DNAJC1: variants seen among roughly 807,000 people sequenced by gnomAD.
The protein encoded by DNAJC1 is dnaJ homolog subfamily C member 1.
Under a neutral mutation model 76.6 loss-of-function variants are expected in DNAJC1, and 58 were observed. That is an observed-to-expected ratio of 0.76 (90% CI 0.61 to 0.94). The LOEUF (loss-of-function observed/expected upper bound fraction) is 0.94, where lower values mean the gene tolerates loss of function less well. Among genes scored for constraint, DNAJC1 ranks in the 40% least tolerant of loss-of-function variants. The pLI is 0.00. For synonymous variants in DNAJC1, 258 were observed against 267.9 expected, an observed-to-expected ratio of 0.96 and a Z score of 0.36; for missense variants, 689 against 677.3, an observed-to-expected ratio of 1.02 and a Z score of -0.19.
intron 1 of DNAJC1, among the ~76,000 whole-genome samples, chr10:21,941,716 A>G (rs1451896487): frequency 1.3e-5 from 2 of 152,192 alleles, no homozygotes; most frequent in East Asian, 1.9e-4. Flanking sequence ...GATTTGTAAT[A>G]TATGTGTCTG....
At chr10:21,883,310 A>C (rs1232001075) in intron 7 of DNAJC1, among the ~76,000 whole-genome samples, 2 of 145,186 alleles carry the variant, frequency 1.4e-5, no homozygotes, top group African/African-American at 5.0e-5. Context: ...TTAACTGGAG[A>C]CTTGACATTG....
chr10:21,760,240 G>A (rs868790392), intron 10 of DNAJC1, among the ~76,000 whole-genome samples: 6 of 152,282 alleles, frequency 3.9e-5, no homozygotes, highest in Middle Eastern at 3.4e-3. Context: ...CTATGATCAC[G>A]CCACTGTGCT....
intron 1 of DNAJC1, among the ~76,000 whole-genome samples, chr10:21,930,366 GTC>G (rs1251746351): frequency 2.0e-5 from 3 of 152,156 alleles, no homozygotes; most frequent in African/African-American, 7.2e-5. Flanking sequence ...CTTACTAAAT[GTC>G]TCTCATTTGA....
intron 1 of DNAJC1, among the ~76,000 whole-genome samples, chr10:21,994,776 G>A (rs1838387770): frequency 6.6e-6 from 1 of 151,924 alleles, no homozygotes; most frequent in Non-Finnish European, 1.5e-5. Context: ...GGGTGACAAA[G>A]CGAGACTCTG....
chr10:21,868,850 C>T (rs1464477338), intron 8 of DNAJC1, among the ~76,000 whole-genome samples: 1 of 152,024 alleles, frequency 6.6e-6, no homozygotes, highest in African/African-American at 2.4e-5. Flanking sequence ...ACCCTCCTCC[C>T]TTTGGAGTTT....
intron 9 of DNAJC1, among the ~76,000 whole-genome samples, chr10:21,779,726 T>C (rs1290760066): frequency 2.0e-5 from 3 of 152,086 alleles, no homozygotes; most frequent in African/African-American, 4.8e-5. Context: ...TTGCCAGCAA[T>C]GGAACAAAGC....
chr10:21,993,233 G>GCA (rs775511706), intron 1 of DNAJC1, among the ~76,000 whole-genome samples: 1 of 151,602 alleles, frequency 6.6e-6, no homozygotes, highest in South Asian at 2.1e-4. Flanking sequence ...AAATGCATAC[G>GCA]CACACACACC....
chr10:21,845,248 A>G (rs1277156057), intron 8 of DNAJC1, among the ~76,000 whole-genome samples: 2 of 152,060 alleles, frequency 1.3e-5, no homozygotes, highest in African/African-American at 4.8e-5. Context: ...ATAGATTCTG[A>G]TCTTCCATCA....
intron 6 of DNAJC1, among the ~76,000 whole-genome samples, chr10:21,906,594 T>G (rs1487510002): frequency 6.6e-6 from 1 of 152,052 alleles, no homozygotes; most frequent in African/African-American, 2.4e-5. Context: ...TAAAAGAAAG[T>G]AGGCTGAAAT....
At chr10:21,794,639 C>A (rs1449380043) in intron 9 of DNAJC1, among the ~76,000 whole-genome samples, 1 of 152,006 alleles carries the variant, frequency 6.6e-6, no homozygotes, top group Non-Finnish European at 1.5e-5. Flanking sequence ...AGGAGAAATT[C>A]TTTGCTATCC....
At position 21,929,301 on chromosome 10, in the gene DNAJC1, C is replaced by T. The variant is rs1837182332; in HGVS notation, c.223-160G>A. ...TTAACAACCAGGCTATGCAACAAGCCTGACCCACATGACTGAACAATTATT... is the reference window on the plus strand; with the variant it reads ...TTAACAACCAGGCTATGCAACAAGCTTGACCCACATGACTGAACAATTATT... On this transcript the variant is annotated intron_variant, in intron 1 of 11. Transcript: ENST00000376980. Among the ~76,000 whole-genome samples the T allele has an allele frequency of 3.3e-5, 5 of 152,206 alleles. No individual in the cohort carries two copies. The South Asian group carries it at 8.3e-4, about 25-fold the overall frequency.
At chr10:21,789,719 A>G (rs773327020) in intron 9 of DNAJC1, among the ~76,000 whole-genome samples, 26 of 152,174 alleles carry the variant, frequency 1.7e-4, no homozygotes, top group Non-Finnish European at 3.7e-4. Flanking sequence ...TGAATAAAAT[A>G]AAAAATACAG....
chr10:21,882,243 C>A (rs920328372), intron 8 of DNAJC1, 39 bp downstream of exon 8: 26 of 1,560,368 alleles, frequency 1.7e-5, no homozygotes, highest in Admixed American at 4.2e-5. Context: ...CTTTTCTGTA[C>A]ATGTTTTACT....
At chr10:21,998,617 T>A (rs1210270145) in intron 1 of DNAJC1, among the ~76,000 whole-genome samples, 1 of 152,120 alleles carries the variant, frequency 6.6e-6, no homozygotes, top group Non-Finnish European at 1.5e-5. Context: ...GAGTGCCCTA[T>A]TATTAAAGTC....
chr10:21,965,247 C>T (rs960848009), intron 1 of DNAJC1, among the ~76,000 whole-genome samples: 5 of 152,138 alleles, frequency 3.3e-5, no homozygotes, highest in African/African-American at 1.2e-4. Flanking sequence ...TCAGCTGAGT[C>T]TAATCTGCTG....
chr10:21,778,112 C>T (rs1272877336), intron 9 of DNAJC1, among the ~76,000 whole-genome samples: 2 of 152,098 alleles, frequency 1.3e-5, no homozygotes, highest in African/African-American at 4.8e-5. Flanking sequence ...TCGCTTGAAC[C>T]CAGGAGGCAG....
chr10:21,861,115 A>T (rs1177730058), intron 8 of DNAJC1, among the ~76,000 whole-genome samples: 1 of 152,188 alleles, frequency 6.6e-6, no homozygotes, highest in Non-Finnish European at 1.5e-5. Flanking sequence ...ATGAATTTTG[A>T]GGAGATAAAA....
At chr10:21,846,718 T>C (rs1835665053) in intron 8 of DNAJC1, among the ~76,000 whole-genome samples, 1 of 152,120 alleles carries the variant, frequency 6.6e-6, no homozygotes, top group South Asian at 2.1e-4. Context: ...TTAAACACTA[T>C]ATCCCAAGTA....
intron 8 of DNAJC1, among the ~76,000 whole-genome samples, chr10:21,834,315 A>G (rs1835414586): frequency 6.6e-6 from 1 of 152,172 alleles, no homozygotes; most frequent in African/African-American, 2.4e-5. Flanking sequence ...AACGTTGTTT[A>G]AAAGACCTAA....
Sources: gnomAD v4.1 joint callset for allele counts (sites outside exome capture counted in the v4.1 genomes callset) on GRCh38, gnomAD v4.1.1 for gene constraint, MANE v1.5 for transcripts, NCBI Gene and HGNC (gene_info 2026-07-23, HGNC 2026-07-21) for gene names.